EIF3E: variants seen among roughly 807,000 people sequenced by gnomAD.
EIF3E encodes eIF-3 p48.
Under a neutral mutation model 59.3 loss-of-function variants are expected in EIF3E, and 25 were observed. The ratio of observed to expected loss-of-function variants is 0.42; its 90% confidence interval spans 0.31 to 0.59. The LOEUF (loss-of-function observed/expected upper bound fraction) is 0.59, where lower values mean the gene tolerates loss of function less well. EIF3E is among the 20% of genes least tolerant of loss of function. The probability of loss-of-function intolerance (pLI) is 0.15; values close to 1 mark genes in which losing one functional copy is unlikely to be tolerated. For missense variants in EIF3E, 317 were observed against 534.3 expected, an observed-to-expected ratio of 0.59 and a Z score of 4.01; for synonymous variants, 176 against 170.2, an observed-to-expected ratio of 1.03 and a Z score of -0.26.
chr8:108,218,315 T>C (rs1586197140), intron 7 of EIF3E, among the ~76,000 whole-genome samples: 2 of 152,274 alleles, frequency 1.3e-5, no homozygotes, highest in South Asian at 4.1e-4. Flanking sequence ...CAGATTGGTC[T>C]CCCAAATACA....
intron 11 of EIF3E, 36 bp downstream of exon 11, chr8:108,203,365 A>G: frequency 6.5e-7 from 1 of 1,550,130 alleles, no homozygotes. Flanking sequence ...ATAATCAGGA[A>G]CTGATAGTAT....
chr8:108,240,176 C>T (rs1815808127), intron 2 of EIF3E, 101 bp from the exon 3 acceptor site: 2 of 931,528 alleles, frequency 2.1e-6, no homozygotes, highest in East Asian at 2.4e-5. Context: ...TTAAACTATA[C>T]ATATATTTAT....
At chr8:108,227,453 C>T (rs1815536985) in intron 7 of EIF3E, 1 of 152,126 alleles carries the variant, frequency 6.6e-6, no homozygotes, top group Admixed American at 6.5e-5. Context: ...ATACAAGTAA[C>T]ATGAGCTAAT....
intron 3 of EIF3E, among the ~76,000 whole-genome samples, chr8:108,238,656 T>C (rs1485757278): frequency 6.6e-6 from 1 of 152,136 alleles, no homozygotes; most frequent in African/African-American, 2.4e-5. Context: ...TGGTATGGTA[T>C]AGTATAGTAT....
intron 10 of EIF3E, among the ~76,000 whole-genome samples, chr8:108,206,831 A>T (rs919322101): frequency 1.3e-5 from 2 of 152,126 alleles, no homozygotes; most frequent in Non-Finnish European, 2.9e-5. Context: ...ATCTTATGTA[A>T]TAACTCTAAC....
chr8:108,228,182 G>C, intron 7 of EIF3E, 85 bp downstream of exon 7: 7 of 1,344,348 alleles, frequency 5.2e-6, no homozygotes, highest in Non-Finnish European at 6.9e-6. Context: ...AAATTCAAAT[G>C]ATAGAAAAAA....
At chr8:108,218,782 C>CTTTTTTTTTTTT (rs35642365) in intron 7 of EIF3E, among the ~76,000 whole-genome samples, 2 of 111,162 alleles carry the variant, frequency 1.8e-5, no homozygotes, top group Non-Finnish European at 3.5e-5. Flanking sequence ...TATTTTATTT[C>CTTTTTTTTTTTT]TTTTTTTTTT....
At chr8:108,237,088 C>G (rs1815747971) in intron 3 of EIF3E, among the ~76,000 whole-genome samples, 1 of 152,166 alleles carries the variant, frequency 6.6e-6, no homozygotes, top group South Asian at 2.1e-4. Flanking sequence ...GCTACATACC[C>G]TACACAATCC....
At chr8:108,205,692 C>T (rs1001361987) in intron 10 of EIF3E, among the ~76,000 whole-genome samples, 5 of 152,208 alleles carry the variant, frequency 3.3e-5, no homozygotes, top group African/African-American at 1.2e-4. Context: ...AGCATATCGA[C>T]ACTGTATACG....
chr8:108,208,320 T>C (rs1755329358), intron 10 of EIF3E, among the ~76,000 whole-genome samples: 1 of 152,182 alleles, frequency 6.6e-6, no homozygotes, highest in African/African-American at 2.4e-5. Context: ...TAGTTTTCAC[T>C]GAAGACTACT....
At chr8:108,204,731 G>GTATATATATATATATA (rs148053969) in intron 10 of EIF3E, among the ~76,000 whole-genome samples, 82 of 86,450 alleles carry the variant, frequency 9.5e-4, no homozygotes, top group East Asian at 3.4e-3. Context: ...TAGTATGTAT[G>GTATATATATATATATA]TATATATATA....
intron 10 of EIF3E, among the ~76,000 whole-genome samples, chr8:108,212,086 A>G (rs1815220369): frequency 6.6e-6 from 1 of 152,210 alleles, no homozygotes; most frequent in African/African-American, 2.4e-5. Flanking sequence ...CTTGAGCTTT[A>G]AATTTCCTGG....
chr8:108,231,663 T>C (rs570185273), intron 5 of EIF3E: 1 of 151,984 alleles, frequency 6.6e-6, no homozygotes, highest in Admixed American at 6.6e-5. Flanking sequence ...TGAGGGAAAA[T>C]TTTAACAAAA....
At chr8:108,238,507 G>A (rs1815777564) in intron 3 of EIF3E, among the ~76,000 whole-genome samples, 1 of 152,134 alleles carries the variant, frequency 6.6e-6, no homozygotes, top group East Asian at 1.9e-4. Context: ...TTGTTACACT[G>A]TAGTTTTATT....
chr8:108,218,211 T>C (rs988501424), intron 7 of EIF3E, among the ~76,000 whole-genome samples: 8 of 152,152 alleles, frequency 5.3e-5, no homozygotes, highest in Admixed American at 3.9e-4. Context: ...TTCTTTTAGG[T>C]GAATATTCAA....
At chr8:108,219,444 G>A (rs1290223473) in intron 7 of EIF3E, among the ~76,000 whole-genome samples, 1 of 152,194 alleles carries the variant, frequency 6.6e-6, no homozygotes, top group African/African-American at 2.4e-5. Flanking sequence ...GTCTGCTAAT[G>A]AGACCAATGG....
chr8:108,243,007 G>A (rs893701252), intron 1 of EIF3E, among the ~76,000 whole-genome samples: 1 of 152,138 alleles, frequency 6.6e-6, no homozygotes, highest in African/African-American at 2.4e-5. Context: ...AAACAAATGG[G>A]TGCATATAGT....
At chr8:108,224,171 G>A (rs186085604) in intron 7 of EIF3E, among the ~76,000 whole-genome samples, 4 of 151,322 alleles carry the variant, frequency 2.6e-5, no homozygotes, top group East Asian at 1.9e-4. Flanking sequence ...GAAGTGAGCC[G>A]AGATTGCGCC....
chr8:108,229,026 T>C (rs766011627), intron 6 of EIF3E, 44 bp downstream of exon 6: 35 of 1,558,386 alleles, frequency 2.2e-5, no homozygotes, highest in South Asian at 6.1e-5. Flanking sequence ...GTGTGAAGGA[T>C]ACACAGATAT....
Sources: allele counts gnomAD v4.1 joint callset (sites outside exome capture counted in the v4.1 genomes callset), GRCh38; gene constraint gnomAD v4.1.1; transcripts MANE v1.5; gene names NCBI Gene and HGNC (gene_info 2026-07-23, HGNC 2026-07-21).